ADAM10: variants seen among roughly 807,000 people sequenced by gnomAD.
The protein encoded by ADAM10 is ADAM metallopeptidase domain 10, also known as disintegrin and metalloproteinase domain-containing protein 10.
ADAM10 carries 17 observed loss-of-function variants against 90.1 expected under a neutral mutation model. The ratio of observed to expected loss-of-function variants is 0.19; its 90% confidence interval spans 0.13 to 0.28. The LOEUF is 0.28. Ranked by LOEUF, ADAM10 falls within the 10% of genes least tolerant of loss-of-function variation. The pLI, the probability that ADAM10 is intolerant of heterozygous loss-of-function variation, is 1.00. For synonymous variants in ADAM10, 310 were observed against 298.6 expected, an observed-to-expected ratio of 1.04 and a Z score of -0.40; for missense variants, 610 against 914.3, an observed-to-expected ratio of 0.67 and a Z score of 4.29.
chr15:58,673,439 T>C (rs1171611435), intron 4 of ADAM10, among the ~76,000 whole-genome samples: 2 of 151,316 alleles, frequency 1.3e-5, no homozygotes, highest in Non-Finnish European at 2.9e-5. Flanking sequence ...TAAATGCTTC[T>C]AATAACAATT....
intron 2 of ADAM10, among the ~76,000 whole-genome samples, chr15:58,685,411 C>T (rs1195236603): frequency 6.6e-6 from 1 of 150,610 alleles, no homozygotes. Context: ...TGCAGTGAGC[C>T]GAGATCACGC....
At chr15:58,638,276 G>A (rs1373463605) in intron 8 of ADAM10, among the ~76,000 whole-genome samples, 4 of 152,030 alleles carry the variant, frequency 2.6e-5, no homozygotes, top group Admixed American at 6.6e-5. Flanking sequence ...AGTTGACAAC[G>A]GGAGTCTTCG....
intron 11 of ADAM10, 151 bp downstream of exon 11, chr15:58,621,320 A>G: frequency 1.2e-6 from 1 of 840,184 alleles, no homozygotes; most frequent in Non-Finnish European, 1.9e-6. Context: ...ACAGAGCAGT[A>G]ACCAACACTA....
At position 58,595,702 on chromosome 15, in the gene ADAM10, A is replaced by G. The variant is rs1027027342; in HGVS notation, c.*1845T>C. The G allele has an allele frequency of 1.3e-5, 2 of 152,284 alleles. No individual in the cohort carries two copies. Among genetic ancestry groups the G allele is most frequent in the South Asian group, 2.1e-4 (1 of 4,822 alleles). 9.4% of individuals were successfully genotyped at this position (152,284 alleles called of 1,614,324 possible). ...GTACCTGCCAAAATCCTACCACAGGATAACATTACAAGCAAAAAATTTACA... is the reference window on the plus strand; with the variant it reads ...GTACCTGCCAAAATCCTACCACAGGGTAACATTACAAGCAAAAAATTTACA... On this transcript the variant is annotated 3_prime_UTR_variant, in exon 16 of 16. Coordinates refer to ENST00000260408, the MANE Select transcript of ADAM10 (RefSeq NM_001110.4).
At chr15:58,602,453 T>C (rs1254015699) in intron 14 of ADAM10, among the ~76,000 whole-genome samples, 1 of 152,054 alleles carries the variant, frequency 6.6e-6, no homozygotes, top group African/African-American at 2.4e-5. Context: ...ATCCCACACC[T>C]TCTGAACCTG....
intron 7 of ADAM10, among the ~76,000 whole-genome samples, chr15:58,643,503 G>GAA (rs2140690921): frequency 6.6e-6 from 1 of 152,136 alleles, no homozygotes; most frequent in East Asian, 1.9e-4. Flanking sequence ...ACACCAAATG[G>GAA]AACATACAGT....
intron 4 of ADAM10, among the ~76,000 whole-genome samples, chr15:58,671,105 G>C (rs1378280257): frequency 6.6e-6 from 1 of 151,976 alleles, no homozygotes; most frequent in African/African-American, 2.4e-5. Context: ...CATGTACCAA[G>C]ACCACTAACT....
chr15:58,686,796 CT>C (rs1165824597), intron 2 of ADAM10, among the ~76,000 whole-genome samples: 1 of 152,152 alleles, frequency 6.6e-6, no homozygotes, highest in Non-Finnish European at 1.5e-5. Flanking sequence ...AGTGAGGAAA[CT>C]GGGTGAAGGA....
At chr15:58,608,726 T>C (rs1483776022) in intron 14 of ADAM10, among the ~76,000 whole-genome samples, 1 of 152,124 alleles carries the variant, frequency 6.6e-6, no homozygotes, top group Non-Finnish European at 1.5e-5. Context: ...GGAGAAAAGG[T>C]CTTAAAAATA....
intron 2 of ADAM10, among the ~76,000 whole-genome samples, chr15:58,683,711 C>T (rs1394097282): frequency 6.6e-6 from 1 of 151,504 alleles, no homozygotes; most frequent in Non-Finnish European, 1.5e-5. Context: ...AATACAAAAA[C>T]TAGCCAGGCA....
At chr15:58,748,920 G>A (rs550783108) in intron 1 of ADAM10, 2 of 398,608 alleles carry the variant, frequency 5.0e-6, no homozygotes, top group African/African-American at 2.1e-5. Context: ...GGTCAGGACC[G>A]GCGCGCCGGG....
intron 1 of ADAM10, among the ~76,000 whole-genome samples, chr15:58,727,174 A>C (rs759711732): frequency 1.5e-5 from 2 of 129,108 alleles, no homozygotes; most frequent in Non-Finnish European, 3.2e-5. Context: ...TGCCTGACTA[A>C]TCTTTTTTTT....
At chr15:58,655,742 CTT>C (rs71116585) in intron 5 of ADAM10, among the ~76,000 whole-genome samples, 787 of 39,648 alleles carry the variant, frequency 0.02, 9 homozygotes, top group African/African-American at 0.075. Context: ...TATATATATT[CTT>C]TTTTTTTTTT....
At chr15:58,610,676 G>A in intron 13 of ADAM10, 159 bp from the exon 14 acceptor site, 1 of 739,098 alleles carries the variant, frequency 1.4e-6, no homozygotes, top group South Asian at 1.6e-5. Flanking sequence ...AACGCCATCA[G>A]TAATTCATAT....
At chr15:58,616,618 T>C (rs1895623749) in intron 11 of ADAM10, among the ~76,000 whole-genome samples, 1 of 152,096 alleles carries the variant, frequency 6.6e-6, no homozygotes. Context: ...CCAAATACTA[T>C]GGGATACAGC....
rs574517173 is a variant in ADAM10, at chr15:58,749,578, C to T, written c.-44G>A. ...CCGCCGCCGCCTCCTCACGGGTTAA[C>T]AGCAGCACATCGATCCGGAGGGAGA... is the stretch of plus-strand genomic sequence containing the variant. On this transcript the variant is annotated 5_prime_UTR_variant, in exon 1 of 16. Coordinates refer to ENST00000260408, the MANE Select transcript of ADAM10 (RefSeq NM_001110.4). The T allele has an allele frequency of 1.7e-5, 26 of 1,549,410 alleles. 1 individual carries two copies. In the South Asian group the frequency reaches 2.7e-4, roughly 16 times the overall value.
At chr15:58,615,078 T>G (rs182765071) in intron 11 of ADAM10, among the ~76,000 whole-genome samples, 8 of 151,874 alleles carry the variant, frequency 5.3e-5, no homozygotes, top group African/African-American at 1.9e-4. Flanking sequence ...ATCGAAACCA[T>G]CCTGGCTAAC....
intron 1 of ADAM10, among the ~76,000 whole-genome samples, chr15:58,743,507 TG>T (rs2140852557): frequency 6.6e-6 from 1 of 152,254 alleles, no homozygotes; most frequent in Admixed American, 6.5e-5. Context: ...ATCACCAAAA[TG>T]GTAACACAGT....
Position 58,645,847 on chromosome 15 carries a change from C to T in ADAM10, c.735+208G>A, listed in dbSNP as rs183601157. 2.4e-3 allele frequency among the ~76,000 whole-genome samples: 357 copies of T among 146,326 alleles called. 3 individuals are homozygous for T. Among genetic ancestry groups the T allele is most frequent in the East Asian group, 9.5e-3 (40 of 4,214 alleles). Reference sequence around the variant, plus strand: ...AGTGTCATCATCTCCTTCAGGAAATCATTGTCTTACCCCTCTCTTTTGACA... The same window carrying T: ...AGTGTCATCATCTCCTTCAGGAAATTATTGTCTTACCCCTCTCTTTTGACA... On this transcript the variant is annotated intron_variant, in intron 6 of 15. Coordinates refer to ENST00000260408, the MANE Select transcript of ADAM10 (RefSeq NM_001110.4).
Sources: gnomAD v4.1 joint callset for allele counts (sites outside exome capture counted in the v4.1 genomes callset) on GRCh38, gnomAD v4.1.1 for gene constraint, MANE v1.5 for transcripts, NCBI Gene and HGNC (gene_info 2026-07-23, HGNC 2026-07-21) for gene names.